Variants in ARID5B observed in about 807,000 individuals in gnomAD.
The protein encoded by ARID5B is AT-rich interaction domain 5B, also known as AT-rich interactive domain-containing protein 5B.
ARID5B carries 13 observed loss-of-function variants against 97.2 expected under a neutral mutation model. That is an observed-to-expected ratio of 0.13 (90% CI 0.09 to 0.21). The LOEUF is 0.21. ARID5B is among the 10% of genes least tolerant of loss of function. ARID5B has a pLI of 1.00. For synonymous variants in ARID5B, 556 were observed against 570.3 expected, an observed-to-expected ratio of 0.97 and a Z score of 0.36; for missense variants, 1,210 against 1,465.3, an observed-to-expected ratio of 0.83 and a Z score of 2.84.
intron 4 of ARID5B, among the ~76,000 whole-genome samples, chr10:62,014,909 G>A (rs907774179): frequency 6.6e-6 from 1 of 152,162 alleles, no homozygotes; most frequent in African/African-American, 2.4e-5. Flanking sequence ...CTCAGATTAA[G>A]AACTCCTGGA....
intron 5 of ARID5B, among the ~76,000 whole-genome samples, chr10:62,051,922 AG>A (rs1213943076): frequency 1.3e-5 from 2 of 152,074 alleles, no homozygotes; most frequent in Non-Finnish European, 2.9e-5. Flanking sequence ...AGTCTGATGT[AG>A]AAAAAAAAAA....
At chr10:61,968,348 C>T (rs1179656283) in intron 3 of ARID5B, among the ~76,000 whole-genome samples, 1 of 151,722 alleles carries the variant, frequency 6.6e-6, no homozygotes, top group Non-Finnish European at 1.5e-5. Context: ...GGCTACAAAC[C>T]TACAGTTTAG....
At chr10:61,962,079 C>T (rs1589236636) in intron 3 of ARID5B, among the ~76,000 whole-genome samples, 1 of 152,274 alleles carries the variant, frequency 6.6e-6, no homozygotes, top group East Asian at 1.9e-4. Context: ...CAGATCTTAG[C>T]AGGGTGAGGG....
chr10:62,018,242 C>A (rs1839309000), intron 4 of ARID5B, among the ~76,000 whole-genome samples: 1 of 152,192 alleles, frequency 6.6e-6, no homozygotes, highest in Non-Finnish European at 1.5e-5. Context: ...CTCATTAGCA[C>A]CTCCATCCGA....
intron 3 of ARID5B, among the ~76,000 whole-genome samples, chr10:61,944,696 T>C (rs904978362): frequency 6.6e-6 from 1 of 152,204 alleles, no homozygotes; most frequent in African/African-American, 2.4e-5. Flanking sequence ...TGACTTTTTA[T>C]TGAAGCCCTT....
intron 3 of ARID5B, among the ~76,000 whole-genome samples, chr10:61,941,461 C>G (rs1248720631): frequency 6.6e-6 from 1 of 151,456 alleles, no homozygotes; most frequent in Non-Finnish European, 1.5e-5. Flanking sequence ...CTTTCATTTG[C>G]GCACAATGCT....
At chr10:61,935,162 ACAACTTGCTTCCCACAGACTTT>A (rs1183839377) in intron 2 of ARID5B, among the ~76,000 whole-genome samples, 5 of 152,190 alleles carry the variant, frequency 3.3e-5, no homozygotes, top group African/African-American at 1.2e-4. Context: ...CTTTCTTGGC[ACAACTTGCTTCCCACAGACTTT>A]CAATTTGTAA....
At chr10:62,077,296 C>G (rs1319724319) in intron 8 of ARID5B, among the ~76,000 whole-genome samples, 1 of 152,042 alleles carries the variant, frequency 6.6e-6, no homozygotes, top group East Asian at 1.9e-4. Context: ...GAAAGGAAAA[C>G]AAAACTCTAG....
rs142823094 is a variant in ARID5B at position 62,061,588 on chromosome 10, C to G, written c.1101+2293C>G. Among the ~76,000 whole-genome samples, 828 of 152,278 alleles carry G rather than the reference C, an allele frequency of 5.4e-3. 9 individuals carry two copies. The highest frequency in any genetic ancestry group is 0.019 in the African/African-American group (787 of 41,552). On this transcript the variant is annotated intron_variant, in intron 7 of 9. Transcript: ENST00000279873. The stretch of plus-strand genomic sequence containing the variant: ...GCTGAGCCTCCAGATGCTATGCCCT[C>G]CCATGCCATGCCCCAAAGTTATTCA...
intron 4 of ARID5B, among the ~76,000 whole-genome samples, chr10:62,019,022 T>A (rs1418045489): frequency 6.6e-6 from 1 of 152,200 alleles, no homozygotes; most frequent in Non-Finnish European, 1.5e-5. Flanking sequence ...GCCCAGAGGT[T>A]TGGAGCTTTG....
chr10:62,007,666 T>C (rs1184475695), intron 4 of ARID5B, among the ~76,000 whole-genome samples: 1 of 152,190 alleles, frequency 6.6e-6, no homozygotes, highest in Non-Finnish European at 1.5e-5. Context: ...CTTAACCACA[T>C]ACTGGTTCTG....
At position 61,947,261 on chromosome 10, in the gene ARID5B, C is replaced by CTTTTTTTTTTTTTTTT. The variant is rs199587188; in HGVS notation, c.502+6863_502+6878dup. Among the ~76,000 whole-genome samples the CTTTTTTTTTTTTTTTT allele has an allele frequency of 2.4e-3, 302 of 124,236 alleles. 13 individuals are homozygous for CTTTTTTTTTTTTTTTT. The highest frequency in any genetic ancestry group is 3.7e-3 in the Non-Finnish European group (222 of 59,458). The allele number at this position is 124,236 out of a possible 152,430, so 81.5% of individuals were successfully genotyped here. A position where few individuals can be genotyped will look rare whatever the true frequency, so the allele number is the denominator to read the frequency against. ...ACCAGTATATCTTCTCACTTACTTT[C>CTTTTTTTTTTTTTTTT]TTTTTTTTTTTTTTTTTTTTTTTTT... On this transcript the variant is annotated intron_variant, in intron 3 of 9. Transcript: ENST00000279873.
intron 4 of ARID5B, among the ~76,000 whole-genome samples, chr10:62,014,448 G>C (rs10995010): frequency 0.023 from 3,534 of 152,274 alleles, 204 homozygotes; most frequent in Admixed American, 0.14. Context: ...TGAAGGTAGG[G>C]GGTATGTTCC....
intron 3 of ARID5B, among the ~76,000 whole-genome samples, chr10:61,993,240 G>T (rs910618666): frequency 6.6e-6 from 1 of 151,930 alleles, no homozygotes; most frequent in African/African-American, 2.4e-5. Context: ...CTAACTTTGG[G>T]TACTAAGTTT....
At chr10:62,045,565 C>T (rs550702245) in intron 4 of ARID5B, among the ~76,000 whole-genome samples, 19 of 151,838 alleles carry the variant, frequency 1.3e-4, no homozygotes, top group Non-Finnish European at 2.5e-4. Flanking sequence ...ATTCTCCTGC[C>T]TCAGCCTCCC....
chr10:61,948,380 A>ATTTTTTTTTTTTTTTTTTTTTTTTT (rs71470784), intron 3 of ARID5B, among the ~76,000 whole-genome samples: 1 of 86,198 alleles, frequency 1.2e-5, no homozygotes, highest in Non-Finnish European at 2.2e-5. Context: ...ACTTTAGGTA[A>ATTTTTTTTTTTTTTTTTTTTTTTTT]TTTTTTTTTT....
chr10:62,012,984 A>G (rs1839236482), intron 4 of ARID5B, among the ~76,000 whole-genome samples: 1 of 152,240 alleles, frequency 6.6e-6, no homozygotes, highest in Non-Finnish European at 1.5e-5. Context: ...ACATAAAAGC[A>G]TCAGCACTTG....
intron 3 of ARID5B, among the ~76,000 whole-genome samples, chr10:61,994,441 C>T (rs182572103): frequency 1.8e-3 from 280 of 152,148 alleles, no homozygotes; most frequent in Middle Eastern, 3.4e-3. Flanking sequence ...TTTCAGCCTC[C>T]GTGCATTTGG....
intron 3 of ARID5B, among the ~76,000 whole-genome samples, chr10:61,962,210 G>A (rs1042462011): frequency 2.0e-5 from 3 of 152,168 alleles, no homozygotes; most frequent in African/African-American, 7.2e-5. Context: ...ATTTGCCAAG[G>A]TTGAATCCTT....
Sources: allele counts gnomAD v4.1 joint callset (sites outside exome capture counted in the v4.1 genomes callset), GRCh38; gene constraint gnomAD v4.1.1; transcripts MANE v1.5; gene names NCBI Gene and HGNC (gene_info 2026-07-23, HGNC 2026-07-21).